The following ST6GALNAC3 variants were observed in gnomAD, a reference collection of about 807,000 sequenced individuals.
ST6GALNAC3 encodes the protein ST6 N-acetylgalactosaminide alpha-2,6-sialyltransferase 3, also known as alpha-N-acetylgalactosaminide alpha-2,6-sialyltransferase 3.
Under a neutral mutation model 32.7 loss-of-function variants are expected in ST6GALNAC3, and 25 were observed. That is an observed-to-expected ratio of 0.76 (90% CI 0.56 to 1.07). The LOEUF is 1.07. ST6GALNAC3 is among the 50% of genes least tolerant of loss of function. The probability of loss-of-function intolerance (pLI) is 0.00; values close to 1 mark genes in which losing one functional copy is unlikely to be tolerated. For synonymous variants in ST6GALNAC3, 129 were observed against 133.1 expected (o/e 0.97, Z 0.21); for missense variants, 355 against 382.4 (o/e 0.93, Z 0.60).
At chr1:76,451,957 G>A (rs1657435429) in intron 3 of ST6GALNAC3, among the ~76,000 whole-genome samples, 1 of 152,122 alleles carries the variant, frequency 6.6e-6, no homozygotes, top group Non-Finnish European at 1.5e-5. Context: ...GTACTATGTT[G>A]AATAGAAGTG....
intron 4 of ST6GALNAC3, 104 bp downstream of exon 4, chr1:76,627,663 CAATT>C (rs1423508283): frequency 1.1e-6 from 1 of 904,140 alleles, no homozygotes; most frequent in East Asian, 2.4e-5. Context: ...GATAAAGCAA[CAATT>C]ATTTCCCAGT....
intron 3 of ST6GALNAC3, among the ~76,000 whole-genome samples, chr1:76,419,781 G>A (rs542425686): frequency 2.0e-5 from 3 of 151,954 alleles, no homozygotes; most frequent in Non-Finnish European, 4.4e-5. Context: ...ACCTTTCACT[G>A]TGTCTGGGAT....
chr1:76,322,759 C>A (rs1035927826), intron 2 of ST6GALNAC3, among the ~76,000 whole-genome samples: 2 of 151,850 alleles, frequency 1.3e-5, no homozygotes, highest in Non-Finnish European at 2.9e-5. Flanking sequence ...CCCCACCCCC[C>A]CACAAGTTTG....
chr1:76,202,682 C>T (rs1175285094), intron 1 of ST6GALNAC3, among the ~76,000 whole-genome samples: 1 of 152,162 alleles, frequency 6.6e-6, no homozygotes. Context: ...GCTGATAAAA[C>T]CATTCAATCT....
intron 3 of ST6GALNAC3, among the ~76,000 whole-genome samples, chr1:76,526,688 T>C (rs954128378): frequency 6.6e-6 from 1 of 152,156 alleles, no homozygotes; most frequent in Non-Finnish European, 1.5e-5. Flanking sequence ...TTTCTTTCTT[T>C]CTTTTCTAAC....
chr1:76,303,454 C>T (rs1660850142), intron 1 of ST6GALNAC3, among the ~76,000 whole-genome samples: 1 of 151,944 alleles, frequency 6.6e-6, no homozygotes, highest in Non-Finnish European at 1.5e-5. Flanking sequence ...GCCTCCAGAC[C>T]CTATTCTCTT....
At chr1:76,116,348 G>T (rs934662240) in intron 1 of ST6GALNAC3, among the ~76,000 whole-genome samples, 1 of 151,994 alleles carries the variant, frequency 6.6e-6, no homozygotes, top group Non-Finnish European at 1.5e-5. Flanking sequence ...ACATGTAGGG[G>T]ACACACATTA....
chr1:76,439,083 A>G (rs537230806), intron 3 of ST6GALNAC3, among the ~76,000 whole-genome samples: 7 of 152,216 alleles, frequency 4.6e-5, no homozygotes, highest in African/African-American at 1.7e-4. Context: ...TCATTGCTGC[A>G]TACCTTTCTT....
At chr1:76,483,234 A>G (rs1659857375) in intron 3 of ST6GALNAC3, among the ~76,000 whole-genome samples, 1 of 152,182 alleles carries the variant, frequency 6.6e-6, no homozygotes, top group Non-Finnish European at 1.5e-5. Flanking sequence ...CTTCGGGTAT[A>G]TACCCAGTAA....
intron 3 of ST6GALNAC3, among the ~76,000 whole-genome samples, chr1:76,417,340 A>G (rs1654719844): frequency 6.6e-6 from 1 of 152,010 alleles, no homozygotes; most frequent in African/African-American, 2.4e-5. Context: ...CATTTCTTCC[A>G]GAAATCTTTG....
chr1:76,378,055 T>C (rs1013170722), intron 2 of ST6GALNAC3, among the ~76,000 whole-genome samples: 27 of 152,186 alleles, frequency 1.8e-4, no homozygotes, highest in African/African-American at 6.5e-4. Flanking sequence ...TCACTATGCT[T>C]GAAGTAAAAA....
Position 76,286,398 on chromosome 1 carries a change from G to C in ST6GALNAC3, c.19-27407G>C, listed in dbSNP as rs577411704. ...CCAGTGGTCCAATTTTTTCTGCAGA[G>C]TGAACAAACCAGTGGCTCCCCCACT... On this transcript the variant is annotated intron_variant, in intron 1 of 4. Coordinates refer to ENST00000328299, the MANE Select transcript of ST6GALNAC3 (RefSeq NM_152996.4). Among the ~76,000 whole-genome samples, 4 of 152,326 alleles carry C rather than the reference G, an allele frequency of 2.6e-5. No homozygotes were observed. The South Asian group carries it at 8.3e-4, about 32-fold the overall frequency.
intron 3 of ST6GALNAC3, among the ~76,000 whole-genome samples, chr1:76,492,599 T>C (rs146215299): frequency 5.3e-4 from 80 of 152,152 alleles, no homozygotes; most frequent in African/African-American, 1.9e-3. Context: ...CCAACCCCCA[T>C]GTTGTAACAT....
In ST6GALNAC3 at chr1:76,417,209, T is replaced by G. The variant is rs115000690; in HGVS notation, c.623+4792T>G. On this transcript the variant is annotated intron_variant, in intron 3 of 4. Transcript: ENST00000328299. ...CTTTATCTTCTGGGGCCCAGTTGTT[T>G]TTTTTTTCTTTCTTTCTTTTTTTTT... Among the ~76,000 whole-genome samples, 1,307 of 151,638 alleles carry G rather than the reference T, an allele frequency of 8.6e-3. 15 individuals are homozygous for G. The highest frequency in any genetic ancestry group is 0.013 in the Non-Finnish European group (856 of 67,916).
intron 1 of ST6GALNAC3, among the ~76,000 whole-genome samples, chr1:76,081,364 C>T (rs990559786): frequency 4.6e-5 from 7 of 151,710 alleles, no homozygotes; most frequent in African/African-American, 1.7e-4. Context: ...TGTGTTGGGC[C>T]ACATTCAAAG....
intron 1 of ST6GALNAC3, among the ~76,000 whole-genome samples, chr1:76,080,828 T>G (rs1185667497): frequency 6.6e-6 from 1 of 152,186 alleles, no homozygotes; most frequent in East Asian, 1.9e-4. Flanking sequence ...TCACTTCATT[T>G]AATAAATCTG....
chr1:76,395,777 C>T (rs754703705), intron 2 of ST6GALNAC3, among the ~76,000 whole-genome samples: 4 of 152,004 alleles, frequency 2.6e-5, no homozygotes, highest in Non-Finnish European at 4.4e-5. Flanking sequence ...AAGTTTATGT[C>T]ATGGAAGTAG....
At chr1:76,546,064 G>C (rs1465148683) in intron 3 of ST6GALNAC3, among the ~76,000 whole-genome samples, 1 of 152,192 alleles carries the variant, frequency 6.6e-6, no homozygotes, top group African/African-American at 2.4e-5. Flanking sequence ...GAAAAGTACA[G>C]ATTGAGACTC....
intron 2 of ST6GALNAC3, among the ~76,000 whole-genome samples, chr1:76,361,989 A>ATAAAT (rs1553184755): frequency 1.1e-4 from 16 of 148,178 alleles, no homozygotes; most frequent in African/African-American, 2.7e-4. Flanking sequence ...AAAAAAAAAA[A>ATAAAT]AAAAGAGAGA....
Sources: allele counts gnomAD v4.1 joint callset (sites outside exome capture counted in the v4.1 genomes callset), GRCh38; gene constraint gnomAD v4.1.1; transcripts MANE v1.5; gene names NCBI Gene and HGNC (gene_info 2026-07-23, HGNC 2026-07-21).